BICC1: variants seen among roughly 807,000 people sequenced by gnomAD.
BICC1 encodes protein bicaudal C homolog 1.
Under a neutral mutation model 111.0 loss-of-function variants are expected in BICC1, and 43 were observed. The observed-to-expected ratio is 0.39, with a 90% CI of 0.30 to 0.50. BICC1 has a LOEUF of 0.50. Among genes scored for constraint, BICC1 ranks in the 20% least tolerant of loss-of-function variants. The pLI is 0.88. For missense variants in BICC1, 1,091 were observed against 1,203.2 expected (o/e 0.91, Z 1.38); for synonymous variants, 467 against 434.4 (o/e 1.07, Z -0.93).
At chr10:58,560,933 G>A (rs1335936019) in intron 1 of BICC1, among the ~76,000 whole-genome samples, 2 of 151,962 alleles carry the variant, frequency 1.3e-5, no homozygotes, top group Non-Finnish European at 2.9e-5. Flanking sequence ...AATAGGTTGA[G>A]GCTTGTTTTT....
intron 2 of BICC1, among the ~76,000 whole-genome samples, chr10:58,634,687 C>G (rs1358391222): frequency 6.6e-6 from 1 of 152,068 alleles, no homozygotes; most frequent in Non-Finnish European, 1.5e-5. Context: ...TTGCCAGCCC[C>G]CACCCCACTG....
chr10:58,575,977 A>T (rs1844099993), intron 1 of BICC1, among the ~76,000 whole-genome samples: 1 of 152,212 alleles, frequency 6.6e-6, no homozygotes, highest in African/African-American at 2.4e-5. Flanking sequence ...AATAAGTGAT[A>T]ATATTTTACA....
At chr10:58,779,101 A>G (rs904625483) in intron 3 of BICC1, among the ~76,000 whole-genome samples, 1 of 152,240 alleles carries the variant, frequency 6.6e-6, no homozygotes, top group Non-Finnish European at 1.5e-5. Context: ...TTGTTTAAAA[A>G]AGAAAGTCAA....
At chr10:58,736,923 AATTTT>A (rs1011326715) in intron 3 of BICC1, among the ~76,000 whole-genome samples, 23 of 152,024 alleles carry the variant, frequency 1.5e-4, no homozygotes, top group Admixed American at 5.3e-4. Flanking sequence ...AAATAGAACT[AATTTT>A]ATTTTATTTT....
chr10:58,582,920 A>G lies in BICC1; in HGVS notation c.191-37935A>G, dbSNP rs529850896. Among the ~76,000 whole-genome samples the G allele has an allele frequency of 1.2e-4, 19 of 152,274 alleles. No individual in the cohort carries two copies. The South Asian group carries it at 3.7e-3, about 30-fold the overall frequency. ...CCAGCTGCTTAGCAATCTTACTTCCATCTGCAACCTTTATTCTCCCTCAAC... is the reference window on the plus strand; with the variant it reads ...CCAGCTGCTTAGCAATCTTACTTCCGTCTGCAACCTTTATTCTCCCTCAAC... On this transcript the variant is annotated intron_variant, in intron 1 of 20. Coordinates refer to ENST00000373886, the MANE Select transcript of BICC1 (RefSeq NM_001080512.3).
At position 58,762,093 on chromosome 10, in the gene BICC1, T is replaced by C. The variant is rs78322738; in HGVS notation, c.308-22908T>C. On this transcript the variant is annotated intron_variant, in intron 3 of 20. Coordinates refer to ENST00000373886, the MANE Select transcript of BICC1 (RefSeq NM_001080512.3). ...TGGCTCCTCCACTCATCTTTGTTGC[T>C]AATTCATGTTTGAGAGAGTCTGCAC... Among the ~76,000 whole-genome samples the C allele has an allele frequency of 1.9e-3, 290 of 152,220 alleles. 2 individuals are homozygous for C. Among genetic ancestry groups the C allele is most frequent in the African/African-American group, 6.4e-3 (268 of 41,560 alleles).
rs141095509 is a variant in BICC1 at position 58,544,482 on chromosome 10, C to T, written c.190+31149C>T. Among the ~76,000 whole-genome samples, 214 of 152,082 alleles carry T rather than the reference C, an allele frequency of 1.4e-3. No homozygotes were observed. In the Middle Eastern group the frequency reaches 0.02, roughly 15 times the overall value. Reference sequence around the variant, plus strand: ...CTTTACCTCCCTTGGAAAATATGTCCGATTTTGAGTGTTTATTTCAGACTT... The same window carrying T: ...CTTTACCTCCCTTGGAAAATATGTCTGATTTTGAGTGTTTATTTCAGACTT... On this transcript the variant is annotated intron_variant, in intron 1 of 20. Coordinates refer to ENST00000373886, the MANE Select transcript of BICC1 (RefSeq NM_001080512.3).
At chr10:58,797,305 A>G (rs1843387095) in intron 10 of BICC1, among the ~76,000 whole-genome samples, 1 of 152,232 alleles carries the variant, frequency 6.6e-6, no homozygotes, top group Non-Finnish European at 1.5e-5. Context: ...TGAGACAAAA[A>G]AGAATACTCT....
chr10:58,786,196 C>T (rs1051286668), intron 4 of BICC1, among the ~76,000 whole-genome samples: 1 of 152,024 alleles, frequency 6.6e-6, no homozygotes, highest in African/African-American at 2.4e-5. Context: ...GGATTTTATG[C>T]CAGTCTTTAT....
At chr10:58,614,222 T>G (rs1588929750) in intron 1 of BICC1, among the ~76,000 whole-genome samples, 5 of 152,264 alleles carry the variant, frequency 3.3e-5, no homozygotes, top group African/African-American at 1.2e-4. Flanking sequence ...TAGCTTTGTC[T>G]GCTTGGGGTC....
At chr10:58,635,433 A>AT (rs1287188160) in intron 2 of BICC1, among the ~76,000 whole-genome samples, 18 of 152,070 alleles carry the variant, frequency 1.2e-4, no homozygotes, top group Admixed American at 1.2e-3. Context: ...TTGGAAATTC[A>AT]TTTTTTTCAT....
intron 2 of BICC1, among the ~76,000 whole-genome samples, chr10:58,686,694 T>C (rs1839739952): frequency 1.3e-5 from 2 of 152,352 alleles, no homozygotes; most frequent in African/African-American, 2.4e-5. Flanking sequence ...CATGTAGTTC[T>C]TGTGCCATGG....
intron 2 of BICC1, among the ~76,000 whole-genome samples, chr10:58,669,936 A>C (rs901228757): frequency 6.6e-6 from 1 of 152,164 alleles, no homozygotes; most frequent in Non-Finnish European, 1.5e-5. Flanking sequence ...ACATTCATGA[A>C]TTCTTAATAA....
At chr10:58,748,281 C>T (rs1442061022) in intron 3 of BICC1, among the ~76,000 whole-genome samples, 2 of 151,988 alleles carry the variant, frequency 1.3e-5, no homozygotes, top group East Asian at 3.9e-4. Flanking sequence ...CTTCATGGAG[C>T]TTATAACCTG....
chr10:58,545,947 C>A (rs1417139243), intron 1 of BICC1, among the ~76,000 whole-genome samples: 1 of 152,212 alleles, frequency 6.6e-6, no homozygotes, highest in East Asian at 1.9e-4. Flanking sequence ...AGGGATTAGT[C>A]TTTGTCAGGA....
intron 1 of BICC1, among the ~76,000 whole-genome samples, chr10:58,578,961 G>A (rs1415223012): frequency 6.6e-6 from 1 of 152,206 alleles, no homozygotes; most frequent in African/African-American, 2.4e-5. Flanking sequence ...GAATGGCCAG[G>A]AAGTGGCTAT....
At chr10:58,765,665 T>A (rs1487241821) in intron 3 of BICC1, among the ~76,000 whole-genome samples, 1 of 152,166 alleles carries the variant, frequency 6.6e-6, no homozygotes, top group East Asian at 1.9e-4. Context: ...ACAGGCCAAA[T>A]CATAAATGAA....
At chr10:58,695,803 A>T (rs933569881) in intron 2 of BICC1, among the ~76,000 whole-genome samples, 3 of 152,344 alleles carry the variant, frequency 2.0e-5, no homozygotes, top group Admixed American at 2.0e-4. Context: ...CACATGGTAT[A>T]CTAATCTGGA....
At chr10:58,531,862 A>T (rs1795959567) in intron 1 of BICC1, among the ~76,000 whole-genome samples, 1 of 151,816 alleles carries the variant, frequency 6.6e-6, no homozygotes, top group African/African-American at 2.4e-5. Flanking sequence ...AAGACAGGTC[A>T]TTTGAAATTA....
Sources: gnomAD v4.1 joint callset for allele counts (sites outside exome capture counted in the v4.1 genomes callset) on GRCh38, gnomAD v4.1.1 for gene constraint, MANE v1.5 for transcripts, NCBI Gene and HGNC (gene_info 2026-07-23, HGNC 2026-07-21) for gene names.